BAIAP2: variants seen among roughly 807,000 people sequenced by gnomAD.
The protein encoded by BAIAP2 is BAR/IMD domain containing adaptor protein 2.
In BAIAP2, 18 loss-of-function variants were observed where a neutral mutation model predicts 63.0. The ratio of observed to expected loss-of-function variants is 0.29; its 90% CI spans 0.20 to 0.42. The LOEUF is 0.42. BAIAP2 is among the 10% of genes least tolerant of loss of function. The probability of loss-of-function intolerance (pLI) is 1.00; values close to 1 mark genes in which losing one functional copy is unlikely to be tolerated. For synonymous variants in BAIAP2, 386 were observed against 307.6 expected, an observed-to-expected ratio of 1.25 and a Z score of -2.67; for missense variants, 610 against 734.3, an observed-to-expected ratio of 0.83 and a Z score of 1.96.
In BAIAP2 at chr17:81,116,278, G is replaced by A. The variant is rs1356740416; in HGVS notation, c.*439G>A. 4 of 1,612,774 alleles carry A rather than the reference G, an allele frequency of 2.5e-6. No homozygotes were observed. In the Admixed American group the frequency reaches 5.0e-5, roughly 20 times the overall value. ...CAGAAGGCCGGGAGCACGGGGATGGGAGCGCCCGCACCCTGGCTGGAAGAT... is the reference window on the plus strand; with the variant it reads ...CAGAAGGCCGGGAGCACGGGGATGGAAGCGCCCGCACCCTGGCTGGAAGAT... On this transcript the variant is annotated 3_prime_UTR_variant, in exon 14 of 14. Transcript: ENST00000428708.
At chr17:81,065,658 C>A (rs889109691) in intron 3 of BAIAP2, among the ~76,000 whole-genome samples, 1 of 152,232 alleles carries the variant, frequency 6.6e-6, no homozygotes, top group Non-Finnish European at 1.5e-5. Flanking sequence ...CTCTCGCTCC[C>A]CCACCCGAGG....
intron 13 of BAIAP2, chr17:81,111,095 T>C: frequency 1.9e-6 from 2 of 1,030,134 alleles, no homozygotes; most frequent in South Asian, 2.7e-5. Context: ...AGCCTGCCTC[T>C]CACTCTGGGT....
intron 13 of BAIAP2, among the ~76,000 whole-genome samples, chr17:81,114,379 C>G (rs1479971840): frequency 1.3e-5 from 2 of 152,044 alleles, no homozygotes; most frequent in Non-Finnish European, 2.9e-5. Flanking sequence ...GGCAGGCAGA[C>G]AGGGCATGGG....
At chr17:81,113,879 G>C (rs2060197101) in intron 13 of BAIAP2, among the ~76,000 whole-genome samples, 1 of 152,120 alleles carries the variant, frequency 6.6e-6, no homozygotes, top group Non-Finnish European at 1.5e-5. Flanking sequence ...TGTGATTCGG[G>C]GCAGGAGTGA....
At chr17:81,059,903 T>C (rs1043722514) in intron 3 of BAIAP2, among the ~76,000 whole-genome samples, 1 of 151,974 alleles carries the variant, frequency 6.6e-6, no homozygotes, top group Non-Finnish European at 1.5e-5. Context: ...CCGAAATGGG[T>C]GGGATTCCAG....
chr17:81,071,272 A>G (rs1163473359), intron 3 of BAIAP2, among the ~76,000 whole-genome samples: 1 of 152,162 alleles, frequency 6.6e-6, no homozygotes, highest in Admixed American at 6.5e-5. Flanking sequence ...GCTTTGGGTC[A>G]GCACTGGATC....
In BAIAP2 at chr17:81,046,864, G is replaced by A. The variant is rs1407047441; in HGVS notation, c.55-6804G>A. ...CAGAGTCGTGGGTGCTGTGAGGTCCGTGTCTGTGTGTGGGGTCCTCATGCT... is the reference window on the plus strand; with the variant it reads ...CAGAGTCGTGGGTGCTGTGAGGTCCATGTCTGTGTGTGGGGTCCTCATGCT... On this transcript the variant is annotated intron_variant, in intron 1 of 13. Coordinates refer to ENST00000428708, the MANE Select transcript of BAIAP2 (RefSeq NM_001144888.2). The surrounding 1 kb of genome is among the most constrained non-coding windows in gnomAD (Gnocchi z 4.5). 1.3e-5 allele frequency among the ~76,000 whole-genome samples: 2 copies of A among 152,238 alleles called. No homozygotes were observed. The highest frequency in any genetic ancestry group is 2.9e-5 in the Non-Finnish European group (2 of 68,042).
intron 3 of BAIAP2, among the ~76,000 whole-genome samples, chr17:81,071,226 C>T (rs547519241): frequency 2.8e-4 from 43 of 152,142 alleles, no homozygotes; most frequent in African/African-American, 7.2e-4. Flanking sequence ...AGAGAAGGGG[C>T]GGGATTGGGA....
rs1461343180 is a variant in BAIAP2, at chr17:81,083,223, AGTGGGG to A, written c.218-1606_218-1601del. 2.0e-5 allele frequency: 3 copies of A among 152,244 alleles called. No homozygotes were observed. The East Asian group carries it at 5.8e-4, about 29-fold the overall frequency. 9.4% of individuals were successfully genotyped at this position (152,244 alleles called of 1,614,324 possible). ...AACTTGTTGGGCACTGGGCGATCCTAGTGGGGGTTCTGCTCGCTGGAGCGAGAGGAC... is the reference window on the plus strand; with the variant it reads ...AACTTGTTGGGCACTGGGCGATCCTAGTTCTGCTCGCTGGAGCGAGAGGAC... On this transcript the variant is annotated intron_variant, in intron 3 of 13. Transcript: ENST00000428708.
rs2047823320 is a variant in BAIAP2 at position 81,046,475 on chromosome 17, AC to A, written c.55-7188del. Among the ~76,000 whole-genome samples the A allele has an allele frequency of 6.6e-6, 1 of 151,240 alleles. No individual in the cohort carries two copies. The highest frequency in any genetic ancestry group is 1.5e-5 in the Non-Finnish European group (1 of 67,812). On this transcript the variant is annotated intron_variant, in intron 1 of 13. Coordinates refer to ENST00000428708, the MANE Select transcript of BAIAP2 (RefSeq NM_001144888.2). The surrounding 1 kb of genome is among the most constrained non-coding windows in gnomAD (Gnocchi z 4.5). ...ACCACTCCAGCCAGGCTTCCTTCAC[AC>A]CCCCACAGCCCCCACTCCTCTTGCC...
chr17:81,094,866 A>G (rs1486351062), intron 6 of BAIAP2, among the ~76,000 whole-genome samples: 1 of 152,234 alleles, frequency 6.6e-6, no homozygotes, highest in Non-Finnish European at 1.5e-5. Context: ...AAGGCCAAGA[A>G]TTACGTTCTC....
intron 3 of BAIAP2, among the ~76,000 whole-genome samples, chr17:81,075,957 T>G: frequency 6.7e-6 from 1 of 148,580 alleles, no homozygotes; most frequent in African/African-American, 2.5e-5. Context: ...TTTTTTGTAG[T>G]GGTGATGAAT....
intron 6 of BAIAP2, among the ~76,000 whole-genome samples, chr17:81,093,288 A>G (rs2057104850): frequency 6.6e-6 from 1 of 152,180 alleles, no homozygotes; most frequent in South Asian, 2.1e-4. Context: ...GACCCTGCTC[A>G]GCCAGCTCTG....
At position 81,116,088 on chromosome 17, in the gene BAIAP2, G is replaced by T. The variant is rs1568209479; in HGVS notation, c.*249G>T. The T allele has an allele frequency of 1.5e-5, 22 of 1,507,452 alleles. No individual in the cohort carries two copies. Among genetic ancestry groups the T allele is most frequent in the Non-Finnish European group, 1.8e-5 (20 of 1,131,388 alleles). The allele number at this position is 1,507,452 out of a possible 1,614,324, so 93.4% of individuals were successfully genotyped here. A position where few individuals can be genotyped will look rare whatever the true frequency, so the allele number is the denominator to read the frequency against. On this transcript the variant is annotated 3_prime_UTR_variant, in exon 14 of 14. Transcript: ENST00000428708. Reference sequence around the variant, plus strand: ...CAGGGCTGAGGGGCCGCCTCTTGAGGGTACACGCCTCTGGTCACATGGCCA... The same window carrying T: ...CAGGGCTGAGGGGCCGCCTCTTGAGTGTACACGCCTCTGGTCACATGGCCA...
chr17:81,057,856 A>G, intron 2 of BAIAP2, 25 bp from the exon 3 acceptor site: 1 of 1,604,312 alleles, frequency 6.2e-7, no homozygotes. Flanking sequence ...GGAGGAAATA[A>G]CTGCTCCCTT....
intron 3 of BAIAP2, among the ~76,000 whole-genome samples, chr17:81,072,889 T>A (rs893856593): frequency 6.6e-6 from 1 of 152,008 alleles, no homozygotes; most frequent in Non-Finnish European, 1.5e-5. Context: ...ACGGACCTCA[T>A]TGTCTGTGGT....
chr17:81,083,988 C>A (rs745921057), intron 3 of BAIAP2: 6 of 152,252 alleles, frequency 3.9e-5, no homozygotes, highest in South Asian at 2.1e-4. Flanking sequence ...GACACCTGCG[C>A]CCCTGGGGCT....
In BAIAP2 at chr17:81,104,416, C is replaced by T. The variant is rs542912685; in HGVS notation, c.1067-98C>T. 210 of 1,329,132 alleles carry T rather than the reference C, an allele frequency of 1.6e-4. No individual in the cohort carries two copies. In the East Asian group the frequency reaches 4.8e-3, roughly 30 times the overall value. 82.3% of individuals were successfully genotyped at this position (1,329,132 alleles called of 1,614,324 possible). A position where few individuals can be genotyped will look rare whatever the true frequency, so the allele number is the denominator to read the frequency against. On this transcript the variant is annotated intron_variant, in intron 9 of 13. Transcript: ENST00000428708. Reference sequence around the variant, plus strand: ...AGCCAGCCCACTTACCCACCTGGGGCACAGGCGGCTGTGCTCTCAGCACCT... The same window carrying T: ...AGCCAGCCCACTTACCCACCTGGGGTACAGGCGGCTGTGCTCTCAGCACCT...
chr17:81,043,675 C>T (rs556074501), intron 1 of BAIAP2, among the ~76,000 whole-genome samples: 2 of 152,318 alleles, frequency 1.3e-5, no homozygotes, highest in African/African-American at 4.8e-5. Flanking sequence ...TCTCTGTGCT[C>T]AGCCTCGTTA....
Sources: allele counts gnomAD v4.1 joint callset (sites outside exome capture counted in the v4.1 genomes callset), GRCh38; gene constraint gnomAD v4.1.1; non-coding constraint Gnocchi (gnomAD v3.1); transcripts MANE v1.5; gene names NCBI Gene and HGNC (gene_info 2026-07-23, HGNC 2026-07-21).